The following TLE1 variants were observed in gnomAD, a reference collection of about 807,000 sequenced individuals.
TLE1 encodes TLE family member 1, transcriptional corepressor, also known as transducin-like enhancer protein 1.
A neutral mutation model predicts 89.8 loss-of-function variants in TLE1; 21 were observed. That is an observed-to-expected ratio of 0.23 (90% CI 0.17 to 0.34). TLE1 has a LOEUF of 0.34. TLE1 is among the 10% of genes least tolerant of loss of function. The pLI is 1.00. For synonymous variants in TLE1, 447 were observed against 407.6 expected (o/e 1.10, Z -1.16); for missense variants, 795 against 1,031.2 (o/e 0.77, Z 3.14).
chr9:81,585,724 A>T, intron 17 of TLE1, 69 bp from the exon 18 acceptor site: 1 of 1,560,850 alleles, frequency 6.4e-7, no homozygotes, highest in Admixed American at 1.8e-5. Context: ...ACGCAATGTG[A>T]AAAGTGGGGA....
intron 14 of TLE1, among the ~76,000 whole-genome samples, chr9:81,597,124 C>T (rs1406617242): frequency 6.6e-6 from 1 of 152,024 alleles, no homozygotes; most frequent in Non-Finnish European, 1.5e-5. Context: ...GTGTCTGTTT[C>T]GTGATCCATA....
chr9:81,652,436 A>G, intron 5 of TLE1, 148 bp from the exon 6 acceptor site: 1 of 616,198 alleles, frequency 1.6e-6, no homozygotes, highest in East Asian at 2.7e-5. Flanking sequence ...TTATTTTCAC[A>G]GAACATAGAT....
rs760247851 is a variant in TLE1 at position 81,584,189 on chromosome 9, A to G, written c.*9T>C. 4.4e-6 allele frequency: 7 copies of G among 1,608,676 alleles called. No individual in the cohort carries two copies. The African/African-American group carries it at 9.4e-5, about 21-fold the overall frequency. On this transcript the variant is annotated 3_prime_UTR_variant, in exon 20 of 20. Coordinates refer to ENST00000376499, the MANE Select transcript of TLE1 (RefSeq NM_005077.5). ...AATTCAACTATAAACGTTAAACCAC[A>G]TAATGTTTTCAGTAGATGACTTCAT...
intron 4 of TLE1, among the ~76,000 whole-genome samples, chr9:81,678,683 C>T (rs1330270440): frequency 1.3e-5 from 2 of 152,084 alleles, no homozygotes; most frequent in Non-Finnish European, 2.9e-5. Context: ...AGTGTGGTGG[C>T]ACGTGCCTGT....
At chr9:81,633,969 C>T (rs1047357019) in intron 7 of TLE1, 128 bp downstream of exon 7, 17 of 1,093,412 alleles carry the variant, frequency 1.6e-5, no homozygotes, top group African/African-American at 4.7e-5. Context: ...GAAAGCTTTG[C>T]GACAGTTCCT....
intron 8 of TLE1, among the ~76,000 whole-genome samples, chr9:81,623,858 A>G (rs1201066801): frequency 6.6e-6 from 1 of 152,144 alleles, no homozygotes; most frequent in Non-Finnish European, 1.5e-5. Flanking sequence ...AACACAGAAA[A>G]TAACTGGAAT....
chr9:81,644,607 A>C (rs6559631), intron 6 of TLE1, among the ~76,000 whole-genome samples: 32,666 of 152,152 alleles, frequency 0.21, 4,050 homozygotes, highest in East Asian at 0.48. Flanking sequence ...GTTTCTTTAC[A>C]GGGTGACAAA....
chr9:81,588,144 C>G (rs144267549), intron 16 of TLE1, among the ~76,000 whole-genome samples: 1 of 152,132 alleles, frequency 6.6e-6, no homozygotes. Context: ...CTTTCCAGGT[C>G]TGGAAAAGTG....
intron 4 of TLE1, among the ~76,000 whole-genome samples, chr9:81,655,113 C>T (rs1247778672): frequency 6.6e-6 from 1 of 152,016 alleles, no homozygotes; most frequent in Non-Finnish European, 1.5e-5. Flanking sequence ...CGCCTGTAAT[C>T]CCAGCACTTT....
intron 4 of TLE1, among the ~76,000 whole-genome samples, chr9:81,663,801 A>G (rs929421443): frequency 9.2e-5 from 14 of 151,608 alleles, no homozygotes; most frequent in Middle Eastern, 6.8e-3. Flanking sequence ...TAATTTTTGT[A>G]TTTTTAGTAG....
chr9:81,635,544 A>C (rs1048999557), intron 6 of TLE1, among the ~76,000 whole-genome samples: 5 of 152,226 alleles, frequency 3.3e-5, no homozygotes, highest in African/African-American at 1.2e-4. Context: ...TGTCCAATAT[A>C]AAACTTATTT....
intron 8 of TLE1, chr9:81,620,795 T>G: frequency 1.5e-6 from 2 of 1,319,836 alleles, no homozygotes; most frequent in Non-Finnish European, 2.0e-6. Flanking sequence ...TCAGGCCTCC[T>G]TGGAAATGTG....
intron 11 of TLE1, among the ~76,000 whole-genome samples, chr9:81,615,376 G>C (rs1222170523): frequency 6.6e-6 from 1 of 151,100 alleles, no homozygotes; most frequent in African/African-American, 2.4e-5. Context: ...TTGTCAACTG[G>C]GAAGTTTCAG....
At position 81,644,887 on chromosome 9, in the gene TLE1, G is replaced by T. The variant is rs188175281; in HGVS notation, c.372+7327C>A. 7.3e-5 allele frequency among the ~76,000 whole-genome samples: 11 copies of T among 151,228 alleles called. No individual in the cohort carries two copies. The East Asian group carries it at 1.8e-3, about 24-fold the overall frequency. ...TGTGTGCCTGTAATCCCAATTACTCGGGAGGCTGAGGCAGGAGAATCGTTT... is the reference window on the plus strand; with the variant it reads ...TGTGTGCCTGTAATCCCAATTACTCTGGAGGCTGAGGCAGGAGAATCGTTT... On this transcript the variant is annotated intron_variant, in intron 6 of 19. Coordinates refer to ENST00000376499, the MANE Select transcript of TLE1 (RefSeq NM_005077.5).
intron 4 of TLE1, among the ~76,000 whole-genome samples, chr9:81,657,365 A>T (rs1830265273): frequency 6.6e-6 from 1 of 152,208 alleles, no homozygotes. Context: ...AGAACACATC[A>T]ATATCATAAA....
chr9:81,647,807 G>A (rs966771504), intron 6 of TLE1, among the ~76,000 whole-genome samples: 8 of 152,158 alleles, frequency 5.3e-5, no homozygotes, highest in Admixed American at 3.9e-4. Flanking sequence ...CAAGGCCCAT[G>A]CTTTGTCCAA....
intron 14 of TLE1, among the ~76,000 whole-genome samples, chr9:81,603,359 A>G (rs2131963745): frequency 6.6e-6 from 1 of 152,234 alleles, no homozygotes; most frequent in African/African-American, 2.4e-5. Flanking sequence ...ATGCCACACC[A>G]AATATGCCCT....
Position 81,688,455 on chromosome 9 carries a change from C to A in TLE1, c.-215G>T, listed in dbSNP as rs1464672354. The stretch of plus-strand genomic sequence containing the variant: ...TCGGTGCGGGCTCCGGCCCTCAGGG[C>A]CACATTAGTGGGCGCCCCAGGCCCA... On this transcript the variant is annotated 5_prime_UTR_variant, in exon 1 of 20. Transcript: ENST00000376499. 1.3e-5 allele frequency: 6 copies of A among 478,496 alleles called. No individual in the cohort carries two copies. The highest frequency in any genetic ancestry group is 4.5e-5 in the Admixed American group (1 of 22,202). 29.6% of individuals were successfully genotyped at this position (478,496 alleles called of 1,614,324 possible).
intron 4 of TLE1, among the ~76,000 whole-genome samples, chr9:81,663,309 CAG>C (rs979657597): frequency 4.1e-4 from 62 of 150,234 alleles, no homozygotes; most frequent in Non-Finnish European, 7.8e-4. Context: ...GGTAGAAAAA[CAG>C]AGGTCTAAAG....
Sources: allele counts gnomAD v4.1 joint callset (sites outside exome capture counted in the v4.1 genomes callset), GRCh38; gene constraint gnomAD v4.1.1; transcripts MANE v1.5; gene names NCBI Gene and HGNC (gene_info 2026-07-23, HGNC 2026-07-21).